Variants in GABRB1 observed in about 807,000 individuals in gnomAD.
GABRB1 encodes the protein gamma-aminobutyric acid type A receptor subunit beta1, also known as gamma-aminobutyric acid receptor subunit beta-1.
GABRB1 carries 17 observed loss-of-function variants against 51.6 expected under a neutral mutation model. The observed-to-expected ratio is 0.33, with a 90% CI of 0.23 to 0.49. GABRB1 has a LOEUF of 0.49. GABRB1 is among the 20% of genes least tolerant of loss of function. The pLI, the probability that GABRB1 is intolerant of heterozygous loss-of-function variation, is 0.99. For missense variants in GABRB1, 410 were observed against 600.6 expected (o/e 0.68, Z 3.32); for synonymous variants, 247 against 218.9 (o/e 1.13, Z -1.14).
intron 4 of GABRB1, among the ~76,000 whole-genome samples, chr4:47,167,732 G>A (rs943955358): frequency 6.6e-6 from 1 of 152,082 alleles, no homozygotes; most frequent in Non-Finnish European, 1.5e-5. Context: ...GGGAGTTGGT[G>A]TGCCCCCTCT....
chr4:47,235,604 C>T (rs1164890098), intron 4 of GABRB1, among the ~76,000 whole-genome samples: 1 of 151,312 alleles, frequency 6.6e-6, no homozygotes, highest in Non-Finnish European at 1.5e-5. Flanking sequence ...TAGAAAAACT[C>T]TTTGGGAAGA....
intron 4 of GABRB1, among the ~76,000 whole-genome samples, chr4:47,169,268 A>T (rs1451699699): frequency 1.3e-5 from 2 of 152,144 alleles, no homozygotes; most frequent in Non-Finnish European, 2.9e-5. Context: ...CTATTTGATT[A>T]TCTTGAGGTA....
At chr4:47,182,674 CT>C (rs1195627597) in intron 4 of GABRB1, among the ~76,000 whole-genome samples, 6 of 151,878 alleles carry the variant, frequency 4.0e-5, no homozygotes, top group African/African-American at 1.2e-4. Flanking sequence ...CAAAATCTCT[CT>C]GCTGACAAAG....
rs1392451968 is a variant in GABRB1 at position 47,161,483 on chromosome 4, T to G, written c.461+14T>G. 6.3e-7 allele frequency: 1 copy of G among 1,595,862 alleles called. No individual in the cohort carries two copies. The highest frequency in any genetic ancestry group is 1.1e-5 in the South Asian group (1 of 90,598). On this transcript the variant is annotated intron_variant, in intron 4 of 8. Transcript: ENST00000295454. The stretch of plus-strand genomic sequence containing the variant: ...CTATGGACTCCGGTAAATGGCTTTA[T>G]GTTGCATGTTTTAATGTTGTTGTTG...
intron 4 of GABRB1, among the ~76,000 whole-genome samples, chr4:47,177,257 T>C (rs1280177311): frequency 6.6e-6 from 1 of 152,126 alleles, no homozygotes; most frequent in Non-Finnish European, 1.5e-5. Flanking sequence ...TCAGATGGAA[T>C]ATAGTTGCTT....
At chr4:47,100,596 A>G (rs1442866054) in intron 3 of GABRB1, among the ~76,000 whole-genome samples, 3 of 152,060 alleles carry the variant, frequency 2.0e-5, no homozygotes, top group African/African-American at 7.2e-5. Context: ...CTCCTACCAC[A>G]GAATTCATTG....
intron 4 of GABRB1, among the ~76,000 whole-genome samples, chr4:47,260,035 A>G (rs1017880584): frequency 6.6e-6 from 1 of 152,118 alleles, no homozygotes; most frequent in Admixed American, 6.5e-5. Flanking sequence ...CATATTTAGG[A>G]TAGTTAGCTC....
At chr4:47,254,259 C>G (rs960852779) in intron 4 of GABRB1, among the ~76,000 whole-genome samples, 24 of 151,860 alleles carry the variant, frequency 1.6e-4, no homozygotes, top group Admixed American at 1.4e-3. Flanking sequence ...CCCTGATACC[C>G]CTGTCCCCAC....
At chr4:47,362,474 G>A (rs1291206174) in intron 5 of GABRB1, among the ~76,000 whole-genome samples, 1 of 152,112 alleles carries the variant, frequency 6.6e-6, no homozygotes, top group African/African-American at 2.4e-5. Context: ...CTATTGATGT[G>A]ATTCTCACAT....
rs530052767 is a variant in GABRB1 at position 47,347,496 on chromosome 4, C to T, written c.544+27287C>T. The stretch of plus-strand genomic sequence containing the variant: ...CAAAGCAACGTAGCATGAAGAATGC[C>T]GTATATGCTGTTGCCAACCCTTGGA... On this transcript the variant is annotated intron_variant, in intron 5 of 8. Coordinates refer to ENST00000295454, the MANE Select transcript of GABRB1 (RefSeq NM_000812.4). Among the ~76,000 whole-genome samples the T allele has an allele frequency of 7.9e-5, 12 of 152,068 alleles. No homozygotes were observed. In the South Asian group the frequency reaches 1.7e-3, roughly 21 times the overall value.
At chr4:47,301,686 G>A (rs1724268652) in intron 4 of GABRB1, among the ~76,000 whole-genome samples, 1 of 150,874 alleles carries the variant, frequency 6.6e-6, no homozygotes. Context: ...GATTTATTAA[G>A]ATGCTACAGC....
In GABRB1 at chr4:47,199,664, G is replaced by A. The variant is rs568140523; in HGVS notation, c.461+38195G>A. On this transcript the variant is annotated intron_variant, in intron 4 of 8. Coordinates refer to ENST00000295454, the MANE Select transcript of GABRB1 (RefSeq NM_000812.4). ...TTAGGACACAAGGTGAAGGACATGG[G>A]ACAGAAGCAGATGGGTAGGTGTATG... Among the ~76,000 whole-genome samples, 6 of 152,232 alleles carry A rather than the reference G, an allele frequency of 3.9e-5. No individual in the cohort carries two copies. In the South Asian group the frequency reaches 1.0e-3, roughly 26 times the overall value.
At position 47,278,391 on chromosome 4, in the gene GABRB1, G is replaced by A. The variant is rs1172996985; in HGVS notation, c.462-41736G>A. Among the ~76,000 whole-genome samples the A allele has an allele frequency of 3.9e-5, 6 of 152,214 alleles. No homozygotes were observed. In the East Asian group the frequency reaches 1.2e-3, roughly 29 times the overall value. On this transcript the variant is annotated intron_variant, in intron 4 of 8. Coordinates refer to ENST00000295454, the MANE Select transcript of GABRB1 (RefSeq NM_000812.4). ...CAAAGAACATAAAATGCTTACATTA[G>A]TCTCTCTCCTGCCTAGTGCTGGTTG...
chr4:47,095,668 T>C (rs975621410), intron 3 of GABRB1, among the ~76,000 whole-genome samples: 2 of 152,260 alleles, frequency 1.3e-5, no homozygotes, highest in African/African-American at 4.8e-5. Flanking sequence ...CTGACACTGC[T>C]GAGTTAGTCT....
At chr4:47,126,539 C>A (rs1386555214) in intron 3 of GABRB1, among the ~76,000 whole-genome samples, 2 of 152,012 alleles carry the variant, frequency 1.3e-5, no homozygotes, top group Admixed American at 1.3e-4. Flanking sequence ...AAATATATTA[C>A]AATTTTTATT....
chr4:47,327,218 C>T lies in GABRB1; in HGVS notation c.544+7009C>T, dbSNP rs529862981. ...GTTTTAAGACCATCTCAGCTGGGCA[C>T]GATGGCATGGGCCTGTAGTCCCAAC... On this transcript the variant is annotated intron_variant, in intron 5 of 8. Coordinates refer to ENST00000295454, the MANE Select transcript of GABRB1 (RefSeq NM_000812.4). Among the ~76,000 whole-genome samples, 16 of 152,002 alleles carry T rather than the reference C, an allele frequency of 1.1e-4. 1 individual carries two copies. The South Asian group carries it at 2.3e-3, about 22-fold the overall frequency.
At chr4:47,074,534 A>C (rs1271093073) in intron 3 of GABRB1, among the ~76,000 whole-genome samples, 1 of 152,224 alleles carries the variant, frequency 6.6e-6, no homozygotes, top group Non-Finnish European at 1.5e-5. Flanking sequence ...TAATTCTTAC[A>C]AAAAGGAAAA....
chr4:47,120,116 C>CA (rs1211372365), intron 3 of GABRB1, among the ~76,000 whole-genome samples: 1 of 151,760 alleles, frequency 6.6e-6, no homozygotes, highest in African/African-American at 2.4e-5. Context: ...TAAAAAGAGA[C>CA]AAAAAAGTTA....
chr4:47,383,921 A>G (rs1727682031), intron 5 of GABRB1, among the ~76,000 whole-genome samples: 1 of 152,174 alleles, frequency 6.6e-6, no homozygotes, highest in Admixed American at 6.5e-5. Context: ...AGAATCAGTG[A>G]TCCAAAACTA....
Sources: gnomAD v4.1 joint callset for allele counts (sites outside exome capture counted in the v4.1 genomes callset) on GRCh38, gnomAD v4.1.1 for gene constraint, MANE v1.5 for transcripts, NCBI Gene and HGNC (gene_info 2026-07-23, HGNC 2026-07-21) for gene names.